The following TENM3 variants were observed in gnomAD, a reference collection of about 807,000 sequenced individuals.
TENM3 encodes teneurin-3.
In TENM3, 63 loss-of-function variants were observed where a neutral mutation model predicts 255.1. That is an observed-to-expected ratio of 0.25 (90% CI 0.20 to 0.30). The LOEUF is 0.30. Among genes scored for constraint, TENM3 ranks in the 10% least tolerant of loss-of-function variants. The pLI, the probability that TENM3 is intolerant of heterozygous loss-of-function variation, is 1.00. For synonymous variants in TENM3, 1,306 were observed against 1,322.3 expected (o/e 0.99, Z 0.27); for missense variants, 2,929 against 3,461.1 (o/e 0.85, Z 3.86).
chr4:181,954,234 T>C, the TENM3 span, among the ~76,000 whole-genome samples: 1 of 152,242 alleles, frequency 6.6e-6, no homozygotes, highest in African/African-American at 2.4e-5. Context: ...GCTATGTTCA[T>C]TTGTGTGCAA....
At chr4:182,553,639 T>C (rs1252470779) in intron 3 of TENM3, among the ~76,000 whole-genome samples, 1 of 152,228 alleles carries the variant, frequency 6.6e-6, no homozygotes, top group Non-Finnish European at 1.5e-5. Context: ...TTTGCTCGGT[T>C]GCATATTGCT....
At chr4:181,981,341 C>T in the TENM3 span, among the ~76,000 whole-genome samples, 4 of 152,144 alleles carry the variant, frequency 2.6e-5, no homozygotes, top group Non-Finnish European at 4.4e-5. Context: ...TGGGGCTCCT[C>T]AAGTCCTGTT....
chr4:181,946,062 T>A, the TENM3 span, among the ~76,000 whole-genome samples: 1 of 152,202 alleles, frequency 6.6e-6, no homozygotes, highest in African/African-American at 2.4e-5. Flanking sequence ...TTGTTCTTCT[T>A]CATTATTCAG....
At chr4:181,839,421 A>G in the TENM3 span, among the ~76,000 whole-genome samples, 2 of 144,890 alleles carry the variant, frequency 1.4e-5, no homozygotes, top group South Asian at 4.3e-4. Context: ...GTATGCCTAT[A>G]TACATATACA....
chr4:181,908,058 T>C, the TENM3 span, among the ~76,000 whole-genome samples: 2 of 152,216 alleles, frequency 1.3e-5, no homozygotes, highest in African/African-American at 4.8e-5. Context: ...CAAATGGTCG[T>C]ATGTTTATAT....
the TENM3 span, among the ~76,000 whole-genome samples, chr4:181,455,999 T>C: frequency 6.6e-6 from 1 of 151,900 alleles, no homozygotes; most frequent in Non-Finnish European, 1.5e-5. Context: ...CTGGACACTA[T>C]GTGGCATATT....
At chr4:182,584,440 C>T (rs1042798738) in intron 3 of TENM3, among the ~76,000 whole-genome samples, 2 of 152,070 alleles carry the variant, frequency 1.3e-5, no homozygotes, top group Non-Finnish European at 1.5e-5. Flanking sequence ...AATGCAGAGA[C>T]TGCAAAATCA....
chr4:181,854,553 T>A, the TENM3 span, among the ~76,000 whole-genome samples: 1 of 152,182 alleles, frequency 6.6e-6, no homozygotes, highest in Admixed American at 6.5e-5. Context: ...AAATTGCAAA[T>A]AAATTGTTGC....
At chr4:182,771,503 G>C (rs4467619) in intron 22 of TENM3, among the ~76,000 whole-genome samples, 81,606 of 148,704 alleles carry the variant, frequency 0.55, 23,233 homozygotes, top group African/African-American at 0.64. Flanking sequence ...TGAAATGGGG[G>C]GGGGGGAAAT....
the TENM3 span, among the ~76,000 whole-genome samples, chr4:181,629,471 G>C: frequency 6.6e-6 from 1 of 152,102 alleles, no homozygotes; most frequent in East Asian, 1.9e-4. Context: ...TTGGCTGTGG[G>C]TTTGTCATAA....
At chr4:181,728,719 G>C in the TENM3 span, among the ~76,000 whole-genome samples, 1 of 152,098 alleles carries the variant, frequency 6.6e-6, no homozygotes, top group Non-Finnish European at 1.5e-5. Flanking sequence ...TTTGTGACCT[G>C]TATCTTGTGC....
chr4:181,579,108 TC>T, the TENM3 span, among the ~76,000 whole-genome samples: 1 of 152,002 alleles, frequency 6.6e-6, no homozygotes, highest in African/African-American at 2.4e-5. Context: ...AGTCATTTGC[TC>T]CACATGGAAG....
At chr4:181,809,150 A>G in the TENM3 span, among the ~76,000 whole-genome samples, 1 of 150,662 alleles carries the variant, frequency 6.6e-6, no homozygotes, top group Non-Finnish European at 1.5e-5. Context: ...GAAGCTCACA[A>G]AGAAAGAAGT....
At chr4:181,837,750 A>G in the TENM3 span, among the ~76,000 whole-genome samples, 1 of 152,196 alleles carries the variant, frequency 6.6e-6, no homozygotes, top group African/African-American at 2.4e-5. Context: ...AGTGGCTCAT[A>G]ACACTTCTGC....
At chr4:182,359,963 T>G (rs904826903) in intron 3 of TENM3, among the ~76,000 whole-genome samples, 42 of 152,082 alleles carry the variant, frequency 2.8e-4, no homozygotes, top group South Asian at 8.3e-4. Context: ...TATTTCTGCC[T>G]TCATTTCGTT....
chr4:181,609,850 T>G, the TENM3 span, among the ~76,000 whole-genome samples: 1 of 152,216 alleles, frequency 6.6e-6, no homozygotes, highest in Non-Finnish European at 1.5e-5. Flanking sequence ...GAGCTCTATA[T>G]TTTAGAAATT....
chr4:182,411,081 G>A (rs1243106289), intron 3 of TENM3, among the ~76,000 whole-genome samples: 2 of 152,046 alleles, frequency 1.3e-5, no homozygotes, highest in African/African-American at 2.4e-5. Flanking sequence ...AGTCCCTATC[G>A]GCTGTAATGG....
rs76119424 is a variant in TENM3 at position 182,179,986 on chromosome 4, G to A, written c.-76+35232G>A. On this transcript the variant is annotated intron_variant, in intron 1 of 2. Transcript: ENST00000512480. ...TAGTCTCTATGGGCTTTGTACTAAGGGCAGGAATCCACTTCCCTAAGTTAC... is the reference window on the plus strand; with the variant it reads ...TAGTCTCTATGGGCTTTGTACTAAGAGCAGGAATCCACTTCCCTAAGTTAC... Among the ~76,000 whole-genome samples the A allele has an allele frequency of 6.2e-3, 948 of 151,910 alleles. 4 individuals carry two copies. Among genetic ancestry groups the A allele is most frequent in the Middle Eastern group, 0.01 (3 of 294 alleles).
At chr4:182,586,161 G>A (rs1269642968) in intron 3 of TENM3, among the ~76,000 whole-genome samples, 1 of 152,284 alleles carries the variant, frequency 6.6e-6, no homozygotes, top group Non-Finnish European at 1.5e-5. Context: ...GGATGGTGAG[G>A]TGGGAGGATT....
Sources: allele counts gnomAD v4.1 joint callset (sites outside exome capture counted in the v4.1 genomes callset), GRCh38; gene constraint gnomAD v4.1.1; transcripts MANE v1.5; gene names NCBI Gene and HGNC (gene_info 2026-07-23, HGNC 2026-07-21).